Variants in CRPPA observed in about 807,000 individuals in gnomAD.
The protein encoded by CRPPA is D-ribitol-5-phosphate cytidylyltransferase.
CRPPA carries 43 observed loss-of-function variants against 52.0 expected under a neutral mutation model. The ratio of observed to expected loss-of-function variants is 0.83; its 90% CI spans 0.65 to 1.07. The LOEUF (loss-of-function observed/expected upper bound fraction) is 1.07, where lower values mean the gene tolerates loss of function less well. Ranked by LOEUF, CRPPA falls within the 50% of genes least tolerant of loss-of-function variation. The probability of loss-of-function intolerance (pLI) is 0.00; values close to 1 mark genes in which losing one functional copy is unlikely to be tolerated. For missense variants in CRPPA, 629 were observed against 551.7 expected (o/e 1.14, Z -1.40); for synonymous variants, 250 against 203.5 (o/e 1.23, Z -1.94).
chr7:16,367,659 C>T (rs774799906), intron 3 of CRPPA, among the ~76,000 whole-genome samples: 30 of 152,100 alleles, frequency 2.0e-4, no homozygotes, highest in Non-Finnish European at 4.0e-4. Context: ...AGATACAAGT[C>T]TTATTTATTC....
chr7:16,279,534 T>G (rs570829681), intron 5 of CRPPA, among the ~76,000 whole-genome samples: 1 of 152,280 alleles, frequency 6.6e-6, no homozygotes, highest in South Asian at 2.1e-4. Flanking sequence ...TAATTCTAAG[T>G]TACGTGGTGC....
At chr7:16,154,086 T>C (rs2128379676) in intron 9 of CRPPA, among the ~76,000 whole-genome samples, 1 of 150,968 alleles carries the variant, frequency 6.6e-6, no homozygotes, top group South Asian at 2.1e-4. Context: ...TAGGCAGTAG[T>C]ATTAAATAAA....
chr7:16,126,162 A>C (rs1782576666), intron 9 of CRPPA, among the ~76,000 whole-genome samples: 1 of 152,158 alleles, frequency 6.6e-6, no homozygotes, highest in Admixed American at 6.5e-5. Context: ...CAGTCTTCGA[A>C]GTAAGTACCA....
At chr7:16,263,789 T>C (rs894858370) in intron 6 of CRPPA, among the ~76,000 whole-genome samples, 2 of 152,110 alleles carry the variant, frequency 1.3e-5, no homozygotes, top group East Asian at 1.9e-4. Flanking sequence ...TATAGATATA[T>C]GGAAAGCACA....
chr7:16,299,043 T>C (rs1290841954), intron 5 of CRPPA, among the ~76,000 whole-genome samples: 3 of 152,318 alleles, frequency 2.0e-5, no homozygotes, highest in East Asian at 1.9e-4. Context: ...CAATCCCTCA[T>C]AATAAATCTA....
In CRPPA at chr7:16,181,395, C is replaced by T. The variant is rs375846787; in HGVS notation, c.1251+34671G>A. Among the ~76,000 whole-genome samples, 28 of 151,978 alleles carry T rather than the reference C, an allele frequency of 1.8e-4. No homozygotes were observed. In the South Asian group the frequency reaches 5.8e-3, roughly 32 times the overall value. On this transcript the variant is annotated intron_variant, in intron 9 of 9. Transcript: ENST00000407010. ...TAGAATCTGTTTTATCATTCATTAG[C>T]TATCACCACAATCAAATTGAACAGG...
At chr7:16,107,828 T>C (rs1197197353) in intron 9 of CRPPA, among the ~76,000 whole-genome samples, 2 of 152,082 alleles carry the variant, frequency 1.3e-5, no homozygotes, top group Admixed American at 1.3e-4. Context: ...ATACATATTA[T>C]ACAATATGAA....
At chr7:16,369,671 C>CT (rs530116346) in intron 3 of CRPPA, among the ~76,000 whole-genome samples, 2 of 151,920 alleles carry the variant, frequency 1.3e-5, no homozygotes, top group African/African-American at 2.4e-5. Flanking sequence ...TAAGTATGAT[C>CT]TTTTTTTTGC....
intron 5 of CRPPA, among the ~76,000 whole-genome samples, chr7:16,286,376 G>A (rs1329808894): frequency 1.3e-5 from 2 of 151,736 alleles, no homozygotes; most frequent in East Asian, 3.9e-4. Flanking sequence ...GCCTCCATAA[G>A]TTCATGAGCC....
chr7:16,246,494 A>C (rs1376374952), intron 8 of CRPPA, among the ~76,000 whole-genome samples: 4 of 152,188 alleles, frequency 2.6e-5, no homozygotes, highest in Non-Finnish European at 4.4e-5. Flanking sequence ...AAGGTTTTCA[A>C]TTTACTTTGC....
chr7:16,207,151 GGAAA>G (rs1009402922), intron 9 of CRPPA, among the ~76,000 whole-genome samples: 2 of 152,026 alleles, frequency 1.3e-5, no homozygotes, highest in African/African-American at 4.8e-5. Flanking sequence ...TTACTGAGTG[GGAAA>G]GAAAGTAAGG....
intron 2 of CRPPA, among the ~76,000 whole-genome samples, chr7:16,394,684 A>G (rs1357795540): frequency 6.6e-6 from 1 of 152,180 alleles, no homozygotes; most frequent in Non-Finnish European, 1.5e-5. Flanking sequence ...TTCAGATACA[A>G]TTATGGCAGG....
chr7:16,240,398 T>G (rs569128652), intron 8 of CRPPA, among the ~76,000 whole-genome samples: 3 of 151,910 alleles, frequency 2.0e-5, no homozygotes, highest in East Asian at 3.9e-4. Flanking sequence ...AAGAGAAAAT[T>G]TTAATATCTC....
chr7:16,246,024 C>A (rs941638762), intron 8 of CRPPA, among the ~76,000 whole-genome samples: 5 of 151,830 alleles, frequency 3.3e-5, no homozygotes, highest in Non-Finnish European at 5.9e-5. Context: ...TAGTTCGCTG[C>A]CTAGAGTGAT....
chr7:16,317,307 A>G (rs1005273972), intron 3 of CRPPA, among the ~76,000 whole-genome samples: 1 of 152,216 alleles, frequency 6.6e-6, no homozygotes, highest in Non-Finnish European at 1.5e-5. Context: ...AGCACATCTG[A>G]TGTACCTGGT....
intron 5 of CRPPA, among the ~76,000 whole-genome samples, chr7:16,282,968 T>C (rs1282671533): frequency 1.3e-5 from 2 of 152,076 alleles, no homozygotes; most frequent in African/African-American, 2.4e-5. Context: ...TTTCAACTGG[T>C]TGCACATCAG....
At chr7:16,322,172 C>A (rs1179478388) in intron 3 of CRPPA, among the ~76,000 whole-genome samples, 1 of 151,902 alleles carries the variant, frequency 6.6e-6, no homozygotes. Flanking sequence ...CACAAAATAC[C>A]AAATCTAATA....
intron 3 of CRPPA, among the ~76,000 whole-genome samples, chr7:16,350,928 C>G (rs1011209564): frequency 6.6e-6 from 1 of 151,964 alleles, no homozygotes; most frequent in Non-Finnish European, 1.5e-5. Context: ...AAATGGAAAC[C>G]AAAAGAGAAC....
intron 2 of CRPPA, among the ~76,000 whole-genome samples, chr7:16,397,099 G>C (rs998312854): frequency 6.6e-6 from 1 of 152,220 alleles, no homozygotes; most frequent in Non-Finnish European, 1.5e-5. Flanking sequence ...ACACACGTGT[G>C]AAATAAGACA....
Sources: allele counts gnomAD v4.1 joint callset (sites outside exome capture counted in the v4.1 genomes callset), GRCh38; gene constraint gnomAD v4.1.1; transcripts MANE v1.5; gene names NCBI Gene and HGNC (gene_info 2026-07-23, HGNC 2026-07-21).